CAPZB: variants seen among roughly 807,000 people sequenced by gnomAD.
The protein encoded by CAPZB is F-actin-capping protein subunit beta.
In CAPZB, 2 loss-of-function variants were observed where a neutral mutation model predicts 38.1. The ratio of observed to expected loss-of-function variants is 0.05; its 90% confidence interval spans 0.02 to 0.17. CAPZB has a LOEUF of 0.17. Among genes scored for constraint, CAPZB ranks in the 10% least tolerant of loss-of-function variants. The probability of loss-of-function intolerance (pLI) is 1.00; values close to 1 mark genes in which losing one functional copy is unlikely to be tolerated. For missense variants in CAPZB, 161 were observed against 334.2 expected (o/e 0.48, Z 4.04); for synonymous variants, 107 against 127.4 (o/e 0.84, Z 1.08).
At chr1:19,470,284 C>T (rs2094582688) in intron 1 of CAPZB, among the ~76,000 whole-genome samples, 1 of 152,188 alleles carries the variant, frequency 6.6e-6, no homozygotes, top group Middle Eastern at 3.2e-3. Flanking sequence ...TACTGTTGGA[C>T]AACCACTTTC....
intron 1 of CAPZB, among the ~76,000 whole-genome samples, chr1:19,435,842 T>C (rs1168112384): frequency 1.3e-5 from 2 of 152,168 alleles, no homozygotes; most frequent in Admixed American, 6.5e-5. Flanking sequence ...ACCACTGCCA[T>C]CTCTTTGTTT....
At chr1:19,480,058 G>A (rs535414256) in intron 1 of CAPZB, among the ~76,000 whole-genome samples, 55 of 152,268 alleles carry the variant, frequency 3.6e-4, no homozygotes, top group African/African-American at 1.3e-3. Context: ...GCGTGGAGGA[G>A]GGGGAAATGC....
At chr1:19,440,410 TTTTA>T (rs1409738800) in intron 1 of CAPZB, among the ~76,000 whole-genome samples, 7 of 152,348 alleles carry the variant, frequency 4.6e-5, no homozygotes, top group Non-Finnish European at 1.0e-4. Context: ...AATTTTTTAT[TTTTA>T]TTTAATCTCT....
intron 2 of CAPZB, among the ~76,000 whole-genome samples, chr1:19,387,753 C>T (rs982113283): frequency 6.6e-6 from 1 of 152,196 alleles, no homozygotes; most frequent in Non-Finnish European, 1.5e-5. Context: ...ACTTGGTTTC[C>T]GTACCTGTAA....
At chr1:19,345,332 G>T in intron 6 of CAPZB, 80 bp from the exon 7 acceptor site, 1 of 1,153,258 alleles carries the variant, frequency 8.7e-7, no homozygotes. Context: ...CACCTCCACG[G>T]TCTGCAAAGA....
At chr1:19,470,752 T>A (rs1426415731) in intron 1 of CAPZB, among the ~76,000 whole-genome samples, 1 of 152,256 alleles carries the variant, frequency 6.6e-6, no homozygotes, top group Non-Finnish European at 1.5e-5. Context: ...CTCTGCCACT[T>A]ATTGGCAATT....
At chr1:19,469,773 C>T (rs2094580672) in intron 1 of CAPZB, among the ~76,000 whole-genome samples, 1 of 151,788 alleles carries the variant, frequency 6.6e-6, no homozygotes, top group African/African-American at 2.4e-5. Flanking sequence ...CACACACACA[C>T]ACACACACAC....
At chr1:19,350,080 C>G (rs1383460700) in intron 6 of CAPZB, among the ~76,000 whole-genome samples, 5 of 152,256 alleles carry the variant, frequency 3.3e-5, no homozygotes, top group Admixed American at 2.0e-4. Context: ...GCAGGCGCCT[C>G]TCCTCCTCCC....
intron 4 of CAPZB, among the ~76,000 whole-genome samples, chr1:19,375,237 G>A (rs962906944): frequency 2.0e-5 from 3 of 152,220 alleles, no homozygotes; most frequent in African/African-American, 7.2e-5. Context: ...GGGTTGGTTC[G>A]TCACATGTGG....
intron 4 of CAPZB, among the ~76,000 whole-genome samples, chr1:19,359,717 A>C (rs1490590473): frequency 1.3e-5 from 2 of 152,084 alleles, no homozygotes; most frequent in Non-Finnish European, 2.9e-5. Context: ...CAGGGTGGGG[A>C]AGGGTCTGGC....
intron 2 of CAPZB, among the ~76,000 whole-genome samples, chr1:19,409,518 C>T (rs554554393): frequency 6.6e-6 from 1 of 152,186 alleles, no homozygotes; most frequent in African/African-American, 2.4e-5. Context: ...CCAGCTCTTT[C>T]TTCTAACAAA....
chr1:19,469,741 T>TACACACACACACACACAC (rs60330360), intron 1 of CAPZB, among the ~76,000 whole-genome samples: 78 of 136,722 alleles, frequency 5.7e-4, no homozygotes, highest in South Asian at 2.2e-3. Context: ...AGGAAAAGAA[T>TACACACACACACACACAC]ACACACACAC....
chr1:19,356,861 CTTT>C lies in CAPZB; in HGVS notation c.472-113_472-111del. ...TCCTAGGTCATTATCACAATATTAC[CTTT>C]TTTTTTTTTAAATTGGAGACAAAGT... On this transcript the variant is annotated intron_variant, in intron 5 of 8. Coordinates refer to ENST00000264202, the MANE Select transcript of CAPZB (RefSeq NM_004930.5). This position sits in a 1 kb window ranked among gnomAD's most constrained non-coding sequence, Gnocchi z 4.3. The C allele has an allele frequency of 1.7e-6, 1 of 589,276 alleles. No homozygotes were observed. The highest frequency in any genetic ancestry group is 3.0e-6 in the Non-Finnish European group (1 of 338,578). 36.5% of individuals were successfully genotyped at this position (589,276 alleles called of 1,614,324 possible).
chr1:19,461,472 C>A (rs1311039511), intron 1 of CAPZB, among the ~76,000 whole-genome samples: 1 of 152,148 alleles, frequency 6.6e-6, no homozygotes, highest in East Asian at 1.9e-4. Context: ...GCACTCCAGT[C>A]GGGGTCTGTT....
At chr1:19,440,027 C>G (rs992375793) in intron 1 of CAPZB, among the ~76,000 whole-genome samples, 4 of 152,142 alleles carry the variant, frequency 2.6e-5, no homozygotes, top group Non-Finnish European at 5.9e-5. Flanking sequence ...GGGGTGCTAC[C>G]GGTTTTCCCT....
rs548195587 is a variant in CAPZB at position 19,393,375 on chromosome 1, C to T, written c.94-7749G>A. Among the ~76,000 whole-genome samples, 2 of 152,314 alleles carry T rather than the reference C, an allele frequency of 1.3e-5. 1 individual carries two copies. Among genetic ancestry groups the T allele is most frequent in the East Asian group, 3.9e-4 (2 of 5,178 alleles). Reference sequence around the variant, plus strand: ...GGACCCCAGGGGCTCCCGCTCACCCCAGGAAGCATCAAAACATATCTCCTT... The same window carrying T: ...GGACCCCAGGGGCTCCCGCTCACCCTAGGAAGCATCAAAACATATCTCCTT... On this transcript the variant is annotated intron_variant, in intron 2 of 8. Coordinates refer to ENST00000264202, the MANE Select transcript of CAPZB (RefSeq NM_004930.5).
At chr1:19,345,348 C>G in intron 6 of CAPZB, 96 bp from the exon 7 acceptor site, 1 of 1,000,076 alleles carries the variant, frequency 1.0e-6, no homozygotes, top group Non-Finnish European at 1.6e-6. Context: ...AAAGAGCCTA[C>G]TGTTCCCACC....
At chr1:19,449,442 T>A in intron 1 of CAPZB, 1 of 522,280 alleles carries the variant, frequency 1.9e-6, no homozygotes, top group Non-Finnish European at 2.5e-6. Context: ...CCATGGTATG[T>A]CCACTCAGTG....
intron 4 of CAPZB, among the ~76,000 whole-genome samples, chr1:19,367,577 G>GTGAAAC (rs1395957684): frequency 3.9e-5 from 6 of 152,204 alleles, no homozygotes; most frequent in African/African-American, 1.4e-4. Context: ...TTTGTGTGTT[G>GTGAAAC]AGACCAGCTG....
Sources: gnomAD v4.1 joint callset for allele counts (sites outside exome capture counted in the v4.1 genomes callset) on GRCh38, gnomAD v4.1.1 for gene constraint, Gnocchi (gnomAD v3.1) non-coding constraint, MANE v1.5 for transcripts, NCBI Gene and HGNC (gene_info 2026-07-23, HGNC 2026-07-21) for gene names.